Variants in CYREN observed in about 807,000 individuals in gnomAD.
CYREN encodes the protein cell cycle regulator of NHEJ.
CYREN carries 7 observed loss-of-function variants against 9.7 expected under a neutral mutation model. The observed-to-expected ratio is 0.72, with a 90% CI of 0.41 to 1.36. CYREN has a LOEUF of 1.36. CYREN is among the 40% of genes most tolerant of loss of function. The probability of loss-of-function intolerance (pLI) is 0.01; values close to 1 mark genes in which losing one functional copy is unlikely to be tolerated. For synonymous variants in CYREN, 76 were observed against 77.9 expected (o/e 0.98, Z 0.13); for missense variants, 215 against 198.1 (o/e 1.09, Z -0.51).
chr7:135,127,425 C>G (rs375936955), intron 2 of CYREN, among the ~76,000 whole-genome samples: 1 of 151,998 alleles, frequency 6.6e-6, no homozygotes, highest in African/African-American at 2.4e-5. Flanking sequence ...TGGTGGCGCA[C>G]GCCTGTAGTC....
chr7:135,115,648 A>C (rs1826214767), intron 2 of CYREN: 1 of 1,426,280 alleles, frequency 7.0e-7, no homozygotes, highest in Non-Finnish European at 9.4e-7. Context: ...TATCTATTTA[A>C]CACATCTTTT....
intron 2 of CYREN, among the ~76,000 whole-genome samples, chr7:135,111,699 C>A (rs1043959503): frequency 3.3e-5 from 5 of 152,126 alleles, no homozygotes; most frequent in African/African-American, 1.2e-4. Flanking sequence ...ATTCATGAAA[C>A]GTGTTGAAAT....
chr7:135,115,688 T>A, intron 2 of CYREN: 2 of 1,234,804 alleles, frequency 1.6e-6, no homozygotes, highest in East Asian at 2.6e-5. Context: ...TAATTTATTA[T>A]CCTACGAAAA....
chr7:135,163,225 A>G (rs1829992519), downstream of CYREN, among the ~76,000 whole-genome samples: 1 of 152,276 alleles, frequency 6.6e-6, no homozygotes, highest in South Asian at 2.1e-4. Context: ...GTGAAAAAAC[A>G]TTACATTCAA....
intron 2 of CYREN, among the ~76,000 whole-genome samples, chr7:135,096,126 T>A (rs2116959900): frequency 6.7e-6 from 1 of 148,752 alleles, no homozygotes; most frequent in East Asian, 1.9e-4. Flanking sequence ...CACTCCAGGC[T>A]GGGTGACAGA....
downstream of CYREN, among the ~76,000 whole-genome samples, chr7:135,162,499 C>A (rs1829968687): frequency 1.3e-5 from 2 of 152,196 alleles, no homozygotes; most frequent in African/African-American, 4.8e-5. Context: ...ACTCATAGTT[C>A]CACATGGTTA....
At chr7:135,134,391 A>G (rs1829193200) in intron 2 of CYREN, among the ~76,000 whole-genome samples, 1 of 147,234 alleles carries the variant, frequency 6.8e-6, no homozygotes, top group East Asian at 2.0e-4. Flanking sequence ...TCCCCCGAGG[A>G]AAACTTCCCT....
downstream of CYREN, chr7:135,164,464 G>A (rs547183525): frequency 1.3e-6 from 2 of 1,599,284 alleles, no homozygotes; most frequent in East Asian, 4.5e-5. Flanking sequence ...AGGCCTCGGT[G>A]GCGCGACCAG....
At chr7:135,160,528 G>A (rs1449855801) in intron 2 of CYREN, among the ~76,000 whole-genome samples, 1 of 152,138 alleles carries the variant, frequency 6.6e-6, no homozygotes, top group Admixed American at 6.5e-5. Context: ...AGCGAGGACT[G>A]ACTTCCACCC....
At chr7:135,132,427 T>C (rs1424215232) in intron 2 of CYREN, among the ~76,000 whole-genome samples, 1 of 152,190 alleles carries the variant, frequency 6.6e-6, no homozygotes, top group Non-Finnish European at 1.5e-5. Context: ...AAGATCCTAT[T>C]AATTGGCACA....
intron 2 of CYREN, chr7:135,168,058 G>C: frequency 1.8e-6 from 1 of 557,794 alleles, no homozygotes; most frequent in Non-Finnish European, 3.1e-6. Flanking sequence ...CAAGGATCTG[G>C]AAGTAGGGAA....
intron 2 of CYREN, among the ~76,000 whole-genome samples, chr7:135,096,554 A>AACAAAGATAGATAGATAGAT (rs1822762037): frequency 4.4e-5 from 1 of 22,616 alleles, no homozygotes; most frequent in African/African-American, 9.0e-5. Context: ...GAAAGAAAGA[A>AACAAAGATAGATAGATAGAT]AGAAAGATAG....
intron 2 of CYREN, among the ~76,000 whole-genome samples, chr7:135,124,947 G>A (rs760941489): frequency 2.0e-5 from 3 of 152,004 alleles, no homozygotes; most frequent in Admixed American, 2.0e-4. Context: ...ATCAGAAAGC[G>A]AGAAAGATCT....
At chr7:135,133,215 CA>C (rs201141835) in intron 2 of CYREN, among the ~76,000 whole-genome samples, 3 of 151,544 alleles carry the variant, frequency 2.0e-5, no homozygotes, top group South Asian at 2.1e-4. Context: ...CAAAATATCT[CA>C]AAAAAAATAC....
intron 2 of CYREN, among the ~76,000 whole-genome samples, chr7:135,097,990 T>C (rs1029558017): frequency 1.2e-4 from 18 of 152,170 alleles, no homozygotes; most frequent in Non-Finnish European, 2.6e-4. Flanking sequence ...TAACTTATAA[T>C]GACATTCAAT....
intron 2 of CYREN, among the ~76,000 whole-genome samples, chr7:135,156,913 T>C (rs1277519040): frequency 6.6e-6 from 1 of 152,196 alleles, no homozygotes; most frequent in Non-Finnish European, 1.5e-5. Context: ...TGATAGTGAA[T>C]AAGTCTCATG....
At chr7:135,139,904 T>C (rs1829421716) in intron 2 of CYREN, among the ~76,000 whole-genome samples, 1 of 151,708 alleles carries the variant, frequency 6.6e-6, no homozygotes, top group Non-Finnish European at 1.5e-5. Context: ...TATATATGGG[T>C]TCTTTAACCT....
At chr7:135,116,086 A>T (rs990337687) in intron 2 of CYREN, among the ~76,000 whole-genome samples, 2 of 152,244 alleles carry the variant, frequency 1.3e-5, no homozygotes, top group East Asian at 3.8e-4. Context: ...AAGTAAAGAC[A>T]GTAATAAGCT....
intron 2 of CYREN, among the ~76,000 whole-genome samples, chr7:135,150,611 A>G (rs1829645811): frequency 6.6e-6 from 1 of 152,192 alleles, no homozygotes; most frequent in South Asian, 2.1e-4. Flanking sequence ...AAAACTAACC[A>G]TTGACAGCCA....
Sources: allele counts gnomAD v4.1 joint callset (sites outside exome capture counted in the v4.1 genomes callset), GRCh38; gene constraint gnomAD v4.1.1; transcripts MANE v1.5; gene names NCBI Gene and HGNC (gene_info 2026-07-23, HGNC 2026-07-21).